The following CSMD3 variants were observed in gnomAD, a reference collection of about 807,000 sequenced individuals.
CSMD3 encodes the protein CUB and sushi domain-containing protein 3.
In CSMD3, 177 loss-of-function variants were observed where a neutral mutation model predicts 435.2. That is an observed-to-expected ratio of 0.41 (90% CI 0.36 to 0.46). The LOEUF (loss-of-function observed/expected upper bound fraction) is 0.46. Ranked by LOEUF, CSMD3 falls within the 20% of genes least tolerant of loss-of-function variation. The probability of loss-of-function intolerance (pLI) is 0.34; values close to 1 mark genes in which losing one functional copy is unlikely to be tolerated. For missense variants in CSMD3, 4,265 were observed against 4,504.6 expected (o/e 0.95, Z 1.52); for synonymous variants, 1,656 against 1,520.5 (o/e 1.09, Z -2.07).
chr8:113,241,616 A>G (rs1193803896), intron 3 of CSMD3, among the ~76,000 whole-genome samples: 2 of 151,792 alleles, frequency 1.3e-5, no homozygotes, highest in Non-Finnish European at 2.9e-5. Flanking sequence ...AAAAAAAAAA[A>G]GAATGTCTCA....
chr8:113,079,659 T>A (rs1348155858), intron 5 of CSMD3, among the ~76,000 whole-genome samples: 1 of 152,120 alleles, frequency 6.6e-6, no homozygotes, highest in Admixed American at 6.5e-5. Flanking sequence ...ATGATACAGA[T>A]AAGGAAAGGC....
At chr8:113,138,974 T>C (rs2091484495) in intron 4 of CSMD3, among the ~76,000 whole-genome samples, 1 of 151,026 alleles carries the variant, frequency 6.6e-6, no homozygotes, top group East Asian at 1.9e-4. Flanking sequence ...ATTTGAAATA[T>C]CATTAAACAG....
At chr8:112,845,093 A>AATT (rs1436798390) in intron 11 of CSMD3, among the ~76,000 whole-genome samples, 12 of 152,168 alleles carry the variant, frequency 7.9e-5, no homozygotes, top group Middle Eastern at 3.4e-3. Context: ...GTTGGTAAGA[A>AATT]CCAGAGACAT....
Position 112,616,373 on chromosome 8 carries a change from T to C in CSMD3, c.3715+20444A>G, listed in dbSNP as rs117368486. Among the ~76,000 whole-genome samples, 266 of 152,280 alleles carry C rather than the reference T, an allele frequency of 1.7e-3. 1 individual carries two copies. The highest frequency in any genetic ancestry group is 3.1e-3 in the Non-Finnish European group (208 of 68,016). ...ATATATATTTAATGACATCTACATA[T>C]ATAGCTTGAAAGTTACATATATTGT... On this transcript the variant is annotated intron_variant, in intron 22 of 70. Coordinates refer to ENST00000297405, the MANE Select transcript of CSMD3 (RefSeq NM_198123.2).
At chr8:112,892,409 C>T (rs973118270) in intron 10 of CSMD3, among the ~76,000 whole-genome samples, 5 of 151,366 alleles carry the variant, frequency 3.3e-5, no homozygotes, top group African/African-American at 4.8e-5. Context: ...ATCTCATTGC[C>T]ATTTTTGGAA....
intron 13 of CSMD3, among the ~76,000 whole-genome samples, chr8:112,700,236 C>T (rs1040344024): frequency 6.6e-6 from 1 of 151,882 alleles, no homozygotes; most frequent in African/African-American, 2.4e-5. Context: ...CATGGTGGCT[C>T]ATGGCTGTAA....
Position 112,747,081 on chromosome 8 carries a change from A to T in CSMD3, c.1972+53081T>A, listed in dbSNP as rs189143990. Among the ~76,000 whole-genome samples, 7 of 151,402 alleles carry T rather than the reference A, an allele frequency of 4.6e-5. 1 individual carries two copies. The highest frequency in any genetic ancestry group is 4.0e-4 in the Admixed American group (6 of 15,168). On this transcript the variant is annotated intron_variant, in intron 13 of 70. Transcript: ENST00000297405. ...GAAAGGTACTACCCTTAAAATTTCCATATCATAATTCTACTCTTTCCTCTA... is the reference window on the plus strand; with the variant it reads ...GAAAGGTACTACCCTTAAAATTTCCTTATCATAATTCTACTCTTTCCTCTA...
At chr8:112,404,905 C>T (rs533468670) in intron 35 of CSMD3, among the ~76,000 whole-genome samples, 3 of 151,274 alleles carry the variant, frequency 2.0e-5, no homozygotes, top group Non-Finnish European at 3.0e-5. Flanking sequence ...CAGCTGGGTG[C>T]GGTAGATCAC....
intron 6 of CSMD3, 88 bp from the exon 7 acceptor site, chr8:112,976,236 T>C (rs2084843527): frequency 2.8e-6 from 4 of 1,424,002 alleles, no homozygotes; most frequent in Non-Finnish European, 2.9e-6. Flanking sequence ...CATATTCTCT[T>C]CTATTACCTT....
intron 22 of CSMD3, among the ~76,000 whole-genome samples, chr8:112,616,080 T>A (rs1230665559): frequency 6.6e-6 from 1 of 152,042 alleles, no homozygotes; most frequent in Non-Finnish European, 1.5e-5. Context: ...GTGACTCGAG[T>A]CAGAATACCT....
chr8:112,772,468 C>A (rs988439996), intron 13 of CSMD3, among the ~76,000 whole-genome samples: 49 of 152,180 alleles, frequency 3.2e-4, no homozygotes, highest in East Asian at 3.9e-4. Context: ...CAAAACACTG[C>A]GGAAGGCCGC....
intron 35 of CSMD3, among the ~76,000 whole-genome samples, chr8:112,395,623 A>G: frequency 6.6e-6 from 1 of 152,124 alleles, no homozygotes; most frequent in South Asian, 2.1e-4. Context: ...TCTTTGCCTA[A>G]GGGGAGTAGG....
chr8:112,274,495 T>C (rs992065121), intron 59 of CSMD3, among the ~76,000 whole-genome samples: 1 of 152,040 alleles, frequency 6.6e-6, no homozygotes, highest in African/African-American at 2.4e-5. Context: ...CAGAGAAATG[T>C]CTCTAGAGAT....
chr8:112,687,716 T>C (rs1586970794), intron 14 of CSMD3, among the ~76,000 whole-genome samples: 1 of 152,176 alleles, frequency 6.6e-6, no homozygotes, highest in Non-Finnish European at 1.5e-5. Flanking sequence ...AGTCATTGGA[T>C]TGAATTCAGA....
intron 7 of CSMD3, 56 bp downstream of exon 7, chr8:112,975,781 C>A (rs932209399): frequency 1.9e-6 from 3 of 1,610,338 alleles, no homozygotes; most frequent in Non-Finnish European, 2.5e-6. Flanking sequence ...AGAATCATTA[C>A]CAAAATATAG....
intron 27 of CSMD3, among the ~76,000 whole-genome samples, chr8:112,546,849 T>C (rs1827227986): frequency 6.6e-6 from 1 of 152,146 alleles, no homozygotes; most frequent in Non-Finnish European, 1.5e-5. Flanking sequence ...GAATGGATCA[T>C]GAAATAAAAG....
Position 112,319,997 on chromosome 8 carries a change from A to C in CSMD3, c.7166-16T>G. The C allele has an allele frequency of 1.9e-6, 3 of 1,550,694 alleles. No homozygotes were observed. Among genetic ancestry groups the C allele is most frequent in the Non-Finnish European group, 2.7e-6 (3 of 1,122,412 alleles). On this transcript the variant is annotated splice_polypyrimidine_tract_variant and intron_variant, in intron 45 of 70. Coordinates refer to ENST00000297405, the MANE Select transcript of CSMD3 (RefSeq NM_198123.2). ...AGTTGATAGGCTACAAAAATAAACA[A>C]AGTGTTTATTCCTTTTCTGTGCAGC...
intron 5 of CSMD3, among the ~76,000 whole-genome samples, chr8:113,077,703 C>CAAAACA (rs1056863524): frequency 9.2e-5 from 14 of 151,870 alleles, no homozygotes; most frequent in Non-Finnish European, 1.8e-4. Context: ...ACTCTTGTCT[C>CAAAACA]AAAACAAAAA....
At chr8:112,475,694 G>A (rs1256491596) in intron 31 of CSMD3, among the ~76,000 whole-genome samples, 1 of 152,034 alleles carries the variant, frequency 6.6e-6, no homozygotes, top group Non-Finnish European at 1.5e-5. Context: ...TTATATAAAT[G>A]GAATAATAAG....
Sources: gnomAD v4.1 joint callset for allele counts (sites outside exome capture counted in the v4.1 genomes callset) on GRCh38, gnomAD v4.1.1 for gene constraint, MANE v1.5 for transcripts, NCBI Gene and HGNC (gene_info 2026-07-23, HGNC 2026-07-21) for gene names.